Variants in MGST3 observed in about 807,000 individuals in gnomAD.
The protein encoded by MGST3 is microsomal glutathione S-transferase 3.
Under a neutral mutation model 15.8 loss-of-function variants are expected in MGST3, and 13 were observed. The ratio of observed to expected loss-of-function variants is 0.82; its 90% CI spans 0.54 to 1.31. MGST3 has a LOEUF of 1.31. Ranked by LOEUF, MGST3 falls within the 50% of genes most tolerant of loss-of-function variation. The pLI is 0.00. For missense variants in MGST3, 155 were observed against 192.4 expected, an observed-to-expected ratio of 0.81 and a Z score of 1.15; for synonymous variants, 49 against 68.1, an observed-to-expected ratio of 0.72 and a Z score of 1.38.
At chr1:165,633,269 T>C (rs1030934117) in intron 1 of MGST3, among the ~76,000 whole-genome samples, 1 of 152,228 alleles carries the variant, frequency 6.6e-6, no homozygotes, top group African/African-American at 2.4e-5. Flanking sequence ...AGAAACGCTG[T>C]AATTAGGCAA....
chr1:165,651,070 G>A lies in MGST3; in HGVS notation c.174G>A (p.Gln58=), dbSNP rs769072569. The change falls in exon 3 of 6, where the codon CAG becomes CAA. Residue 58 remains glutamine, a synonymous_variant. Coordinates refer to ENST00000367889, the MANE Select transcript of MGST3 (RefSeq NM_004528.4). The stretch of plus-strand genomic sequence containing the variant: ...ATGGGCACATCTTCAACTGCATTCA[G>A]CGAGCCCACCAGAACACGTGAGTGT... ...PENGHIFNCI[Q]RAHQNTLEVY... The A allele has an allele frequency of 3.1e-6, 5 of 1,614,182 alleles. No individual in the cohort carries two copies. The highest frequency in any genetic ancestry group is 2.2e-5 in the South Asian group (2 of 91,084).
intron 1 of MGST3, 131 bp from the exon 2 acceptor site, chr1:165,649,710 G>T: frequency 9.3e-7 from 1 of 1,073,960 alleles, no homozygotes; most frequent in East Asian, 2.5e-5. Context: ...AGAAACATCA[G>T]ATTGATTCAT....
At chr1:165,634,977 T>C (rs1648069491) in intron 1 of MGST3, among the ~76,000 whole-genome samples, 1 of 151,934 alleles carries the variant, frequency 6.6e-6, no homozygotes, top group South Asian at 2.1e-4. Flanking sequence ...GCATCCCATT[T>C]AGGTAAAATG....
chr1:165,638,807 A>C (rs1648185939), intron 1 of MGST3, among the ~76,000 whole-genome samples: 2 of 151,564 alleles, frequency 1.3e-5, no homozygotes, highest in African/African-American at 4.9e-5. Context: ...AAAAAAAAAA[A>C]AACCCACATT....
intron 1 of MGST3, among the ~76,000 whole-genome samples, chr1:165,643,987 G>C (rs1318470524): frequency 4.0e-5 from 6 of 151,596 alleles, no homozygotes; most frequent in African/African-American, 1.5e-4. Flanking sequence ...GAGCCCAGAA[G>C]GTCAAGGCTG....
At chr1:165,647,562 A>G (rs151246401) in intron 1 of MGST3, 6 of 152,326 alleles carry the variant, frequency 3.9e-5, no homozygotes, top group African/African-American at 1.4e-4. Context: ...AAGTGAGCTG[A>G]AAAGTGCTGG....
intron 1 of MGST3, among the ~76,000 whole-genome samples, chr1:165,640,206 G>T (rs1648225555): frequency 6.6e-6 from 1 of 152,096 alleles, no homozygotes. Context: ...AAGATACTGA[G>T]CTGGCTTACA....
chr1:165,646,860 G>C (rs1286516868), intron 1 of MGST3: 1 of 152,316 alleles, frequency 6.6e-6, no homozygotes, highest in Non-Finnish European at 1.5e-5. Context: ...AGGAGTGCAA[G>C]GAGGTATCAG....
At chr1:165,632,230 G>C (rs767937215) in intron 1 of MGST3, 1 of 1,612,390 alleles carries the variant, frequency 6.2e-7, no homozygotes, top group Admixed American at 1.7e-5. Context: ...TCCTTCCCTG[G>C]GGACAGGAGA....
chr1:165,655,411 C>G lies in MGST3; in HGVS notation c.366C>G (p.Leu122=). ...RSRGALGSIA[L]LGLVGTTVCS... is the part of the protein sequence containing the mutation. ...GAGGAGCCCTGGGGTCCATCGCCCT[C>G]CTGGGCTTGGTGGGCACAACTGTGT... The change falls in exon 6 of 6, where the codon CTC becomes CTG. Residue 122 remains leucine (L), a synonymous_variant. Transcript: ENST00000367889. The G allele has an allele frequency of 1.2e-6, 2 of 1,614,088 alleles. No homozygotes were observed. Among genetic ancestry groups the G allele is most frequent in the Admixed American group, 3.3e-5 (2 of 60,016 alleles).
At chr1:165,638,041 C>G (rs1044995557) in intron 1 of MGST3, among the ~76,000 whole-genome samples, 1 of 152,250 alleles carries the variant, frequency 6.6e-6, no homozygotes, top group South Asian at 2.1e-4. Context: ...TCTGCTACCC[C>G]CCACGTCCTA....
At chr1:165,650,330 G>A (rs1648517282) in intron 2 of MGST3, 1 of 315,880 alleles carries the variant, frequency 3.2e-6, no homozygotes, top group Non-Finnish European at 6.1e-6. Context: ...GATGTCTTAT[G>A]GTGATTTTCC....
At chr1:165,632,234 C>T (rs1162744513) in intron 1 of MGST3, 6 of 1,612,408 alleles carry the variant, frequency 3.7e-6, no homozygotes, top group African/African-American at 1.3e-5. Flanking sequence ...TCCCTGGGGA[C>T]AGGAGATGCC....
chr1:165,641,551 T>A (rs1043288833), intron 1 of MGST3, among the ~76,000 whole-genome samples: 1 of 152,268 alleles, frequency 6.6e-6, no homozygotes, highest in Non-Finnish European at 1.5e-5. Flanking sequence ...GTTGCATATG[T>A]GGACAGACAT....
intron 1 of MGST3, chr1:165,649,248 T>G (rs1317272305): frequency 6.4e-6 from 1 of 156,906 alleles, no homozygotes; most frequent in Non-Finnish European, 1.4e-5. Context: ...CTCAGAGTCC[T>G]GCCCTCACAG....
At chr1:165,643,517 G>A (rs983248769) in intron 1 of MGST3, among the ~76,000 whole-genome samples, 44 of 149,662 alleles carry the variant, frequency 2.9e-4, no homozygotes, top group African/African-American at 9.6e-4. Flanking sequence ...CCAGGAGTTC[G>A]AGACCAGCCT....
At chr1:165,638,155 A>T (rs1287546285) in intron 1 of MGST3, among the ~76,000 whole-genome samples, 1 of 152,168 alleles carries the variant, frequency 6.6e-6, no homozygotes, top group Non-Finnish European at 1.5e-5. Context: ...TAAATGTAAA[A>T]GTTACAAATA....
chr1:165,654,710 T>TG, intron 5 of MGST3, among the ~76,000 whole-genome samples: 1 of 152,276 alleles, frequency 6.6e-6, no homozygotes, highest in South Asian at 2.1e-4. Context: ...TAAAATCTTA[T>TG]GCTACTATAT....
chr1:165,654,309 A>C lies in MGST3; in HGVS notation c.280A>C (p.Ile94Leu). The C allele has an allele frequency of 6.2e-7, 1 of 1,614,006 alleles. No individual in the cohort carries two copies. The highest frequency in any genetic ancestry group is 8.5e-7 in the Non-Finnish European group (1 of 1,180,000). The stretch of plus-strand genomic sequence containing the variant: ...AGCTTCTGGCCTGGGCTTGGCCTGG[A>C]TTGTTGGACGAGTTCTTTATGCTTA... ...RIASGLGLAW[I>L]VGRVLYAYGY... Residue 94 changes from isoleucine (I) to leucine (L), a missense_variant, in exon 5 of 6, where the codon ATT (isoleucine) becomes CTT (leucine). Transcript: ENST00000367889.
Sources: gnomAD v4.1 joint callset for allele counts (sites outside exome capture counted in the v4.1 genomes callset) on GRCh38, gnomAD v4.1.1 for gene constraint, MANE v1.5 for transcripts, NCBI Gene and HGNC (gene_info 2026-07-23, HGNC 2026-07-21) for gene names.